INVS: variants seen among roughly 807,000 people sequenced by gnomAD.
INVS encodes inversin.
Under a neutral mutation model 108.8 loss-of-function variants are expected in INVS, and 86 were observed. The ratio of observed to expected loss-of-function variants is 0.79; its 90% CI spans 0.66 to 0.95. INVS has a LOEUF of 0.95. Ranked by LOEUF, INVS falls within the 40% of genes least tolerant of loss-of-function variation. INVS has a pLI of 0.00. For missense variants in INVS, 1,169 were observed against 1,297.4 expected, an observed-to-expected ratio of 0.90 and a Z score of 1.52; for synonymous variants, 455 against 473.5, an observed-to-expected ratio of 0.96 and a Z score of 0.51.
At chr9:100,113,256 C>T (rs1311801130) in intron 2 of INVS, among the ~76,000 whole-genome samples, 1 of 115,154 alleles carries the variant, frequency 8.7e-6, no homozygotes, top group African/African-American at 2.8e-5. Flanking sequence ...TGCATAAGGG[C>T]TTCTGTTATT....
chr9:100,297,317 A>G (rs1156615099), intron 15 of INVS, among the ~76,000 whole-genome samples, 171 bp downstream of exon 15: 1 of 151,492 alleles, frequency 6.6e-6, no homozygotes, highest in Non-Finnish European at 1.5e-5. Flanking sequence ...TTTTGCACCA[A>G]CCTAATATTT....
chr9:100,259,052 C>T (rs1036262103), intron 10 of INVS, among the ~76,000 whole-genome samples: 8 of 152,186 alleles, frequency 5.3e-5, no homozygotes, highest in East Asian at 3.9e-4. Context: ...CCTTGAGCTG[C>T]GGTGGGCTCC....
chr9:100,103,041 C>T (rs191347068), intron 1 of INVS, among the ~76,000 whole-genome samples: 1 of 152,258 alleles, frequency 6.6e-6, no homozygotes, highest in African/African-American at 2.4e-5. Flanking sequence ...TTAGTAGAGA[C>T]ACAGTTTCGC....
At chr9:100,176,995 TAAA>T (rs112846058) in intron 3 of INVS, among the ~76,000 whole-genome samples, 2 of 137,458 alleles carry the variant, frequency 1.5e-5, no homozygotes, top group Admixed American at 7.3e-5. Flanking sequence ...ATATCACCTT[TAAA>T]AAAAAAAAAA....
chr9:100,155,792 T>C (rs966575369), intron 3 of INVS, among the ~76,000 whole-genome samples: 3 of 152,192 alleles, frequency 2.0e-5, no homozygotes, highest in African/African-American at 7.2e-5. Context: ...CACAAATAAG[T>C]GGATCACTAT....
At chr9:100,230,204 A>G (rs1238061065) in intron 5 of INVS, among the ~76,000 whole-genome samples, 1 of 152,214 alleles carries the variant, frequency 6.6e-6, no homozygotes, top group Non-Finnish European at 1.5e-5. Flanking sequence ...ATAATGAAAC[A>G]ACAAATACTC....
Position 100,298,139 on chromosome 9 carries a change from T to C in INVS, c.3091+129T>C, listed in dbSNP as rs776437597. ...GTTTTCCAATGGTCATTTGATTTCATGGGATTATTACTGTAGCCAACATCT... is the reference window on the plus strand; with the variant it reads ...GTTTTCCAATGGTCATTTGATTTCACGGGATTATTACTGTAGCCAACATCT... On this transcript the variant is annotated intron_variant, in intron 16 of 16. Transcript: ENST00000262457. 7.7e-6 allele frequency: 12 copies of C among 1,557,462 alleles called. No individual in the cohort carries two copies. In the South Asian group the frequency reaches 1.2e-4, roughly 15 times the overall value.
intron 2 of INVS, among the ~76,000 whole-genome samples, chr9:100,112,024 G>T (rs996020801): frequency 2.0e-5 from 3 of 152,074 alleles, no homozygotes; most frequent in Admixed American, 1.3e-4. Context: ...GTCTCACTCT[G>T]TCACCCAGGC....
intron 3 of INVS, chr9:100,129,663 A>G: frequency 2.8e-6 from 2 of 706,344 alleles, no homozygotes; most frequent in South Asian, 3.0e-5. Flanking sequence ...AATACTATAT[A>G]CATTGTTTGA....
chr9:100,273,285 G>C (rs541505803), intron 12 of INVS, among the ~76,000 whole-genome samples: 1 of 152,142 alleles, frequency 6.6e-6, no homozygotes, highest in South Asian at 2.1e-4. Flanking sequence ...CCTCTGCTGG[G>C]TAGTGATTCC....
At chr9:100,172,282 C>T (rs888858021) in intron 3 of INVS, among the ~76,000 whole-genome samples, 1 of 152,204 alleles carries the variant, frequency 6.6e-6, no homozygotes, top group Non-Finnish European at 1.5e-5. Flanking sequence ...TTCTAGAATA[C>T]AGAATCCTAT....
chr9:100,253,254 C>A (rs1437188650), intron 10 of INVS, 118 bp downstream of exon 10: 2 of 750,210 alleles, frequency 2.7e-6, no homozygotes, highest in Admixed American at 2.1e-5. Flanking sequence ...ACAAATCCAT[C>A]TGTTAATCAT....
chr9:100,204,870 T>C (rs1215716946), intron 3 of INVS, among the ~76,000 whole-genome samples: 1 of 152,172 alleles, frequency 6.6e-6, no homozygotes, highest in African/African-American at 2.4e-5. Flanking sequence ...TACTTAGCTA[T>C]GTCATATTTT....
chr9:100,155,401 A>G (rs991864561), intron 3 of INVS, among the ~76,000 whole-genome samples: 1 of 152,104 alleles, frequency 6.6e-6, no homozygotes, highest in African/African-American at 2.4e-5. Context: ...TAGTGGTACA[A>G]TCTTGGCTCA....
At chr9:100,205,492 A>G (rs1156706537) in intron 3 of INVS, among the ~76,000 whole-genome samples, 1 of 147,282 alleles carries the variant, frequency 6.8e-6, no homozygotes, top group African/African-American at 2.7e-5. Context: ...GTAAACAGTC[A>G]GTTAAATTGG....
chr9:100,158,937 C>G (rs1343925895), intron 3 of INVS, among the ~76,000 whole-genome samples: 1 of 151,718 alleles, frequency 6.6e-6, no homozygotes, highest in Non-Finnish European at 1.5e-5. Flanking sequence ...CTCTCTCTCC[C>G]TCTCTCTCTC....
chr9:100,197,587 C>G (rs12336751), intron 3 of INVS, among the ~76,000 whole-genome samples: 46,238 of 152,074 alleles, frequency 0.3, 8,141 homozygotes, highest in Non-Finnish European at 0.41. Flanking sequence ...TATCCTGTAC[C>G]CCATCCTTTT....
chr9:100,273,081 G>C lies in INVS; in HGVS notation c.1784+5G>C. ...GAGAAAAGATGCTGCTGCCAAGTAA[G>C]TATGAGCTACGCAGATTGCGTTTTC... On this transcript the variant is annotated splice_donor_5th_base_variant and intron_variant, in intron 12 of 16. Coordinates refer to ENST00000262457, the MANE Select transcript of INVS (RefSeq NM_014425.5). 1 of 1,612,842 alleles carries C rather than the reference G, an allele frequency of 6.2e-7. No homozygotes were observed. The highest frequency in any genetic ancestry group is 8.5e-7 in the Non-Finnish European group (1 of 1,178,938).
At chr9:100,197,770 G>A (rs1269789344) in intron 3 of INVS, among the ~76,000 whole-genome samples, 1 of 152,192 alleles carries the variant, frequency 6.6e-6, no homozygotes, top group Non-Finnish European at 1.5e-5. Flanking sequence ...AGGGTATGGG[G>A]CAAAGCTCTT....
Sources: allele counts gnomAD v4.1 joint callset (sites outside exome capture counted in the v4.1 genomes callset), GRCh38; gene constraint gnomAD v4.1.1; transcripts MANE v1.5; gene names NCBI Gene and HGNC (gene_info 2026-07-23, HGNC 2026-07-21).